Variants in DOCK10 observed in about 807,000 individuals in gnomAD.
The protein encoded by DOCK10 is dedicator of cytokinesis protein 10.
In DOCK10, 145 loss-of-function variants were observed where a neutral mutation model predicts 280.1. The observed-to-expected ratio is 0.52, with a 90% CI of 0.45 to 0.59. The LOEUF (loss-of-function observed/expected upper bound fraction) is 0.59. Among genes scored for constraint, DOCK10 ranks in the 20% least tolerant of loss-of-function variants. The probability of loss-of-function intolerance (pLI) is 0.00; values close to 1 mark genes in which losing one functional copy is unlikely to be tolerated. For synonymous variants in DOCK10, 915 were observed against 942.2 expected, an observed-to-expected ratio of 0.97 and a Z score of 0.53; for missense variants, 2,368 against 2,651.7, an observed-to-expected ratio of 0.89 and a Z score of 2.35.
chr2:224,804,017 T>C, intron 39 of DOCK10, 95 bp downstream of exon 39: 1 of 646,144 alleles, frequency 1.5e-6, no homozygotes, highest in East Asian at 2.9e-5. Flanking sequence ...TGTGTGTGTG[T>C]GTGTGTGTGT....
At chr2:224,925,188 A>G (rs1347835376) in intron 2 of DOCK10, among the ~76,000 whole-genome samples, 3 of 151,986 alleles carry the variant, frequency 2.0e-5, no homozygotes, top group African/African-American at 7.2e-5. Context: ...CTCAGAAAAA[A>G]AAAAAGAAAG....
chr2:225,014,081 A>ATATATATATATATATTTTTTTT (rs776104946), intron 1 of DOCK10, among the ~76,000 whole-genome samples: 3 of 96,800 alleles, frequency 3.1e-5, no homozygotes, highest in African/African-American at 1.4e-4. Context: ...GTCTGAATAT[A>ATATATATATATATATTTTTTTT]TTGTTTTTTT....
rs1689575815 is a variant in DOCK10 at position 225,015,846 on chromosome 2, A to G, written c.123+26406T>C. The stretch of plus-strand genomic sequence containing the variant: ...TTTCTAATTTCTTTTTAAAGATTGT[A>G]TTTACCTTTACATTTGGTAAGGGTA... On this transcript the variant is annotated intron_variant, in intron 1 of 55. Transcript: ENST00000258390. Among the ~76,000 whole-genome samples, 2 of 152,168 alleles carry G rather than the reference A, an allele frequency of 1.3e-5. 1 individual carries two copies. The highest frequency in any genetic ancestry group is 4.1e-4 in the South Asian group (2 of 4,830).
chr2:224,996,175 T>C (rs1448198116), intron 1 of DOCK10, among the ~76,000 whole-genome samples: 2 of 152,226 alleles, frequency 1.3e-5, no homozygotes, highest in Non-Finnish European at 1.5e-5. Flanking sequence ...ACCCTATATC[T>C]GCTGTTTCTA....
chr2:224,948,595 G>A (rs1703558020), intron 1 of DOCK10, among the ~76,000 whole-genome samples: 1 of 152,008 alleles, frequency 6.6e-6, no homozygotes, highest in Admixed American at 6.6e-5. Context: ...GATTTCCTGG[G>A]GTTAGATTAT....
At chr2:224,962,104 G>A (rs562338415) in intron 1 of DOCK10, among the ~76,000 whole-genome samples, 1 of 152,076 alleles carries the variant, frequency 6.6e-6, no homozygotes, top group Non-Finnish European at 1.5e-5. Flanking sequence ...TCCCAATTTT[G>A]GTCTGTTCCT....
chr2:224,786,135 G>A lies in DOCK10; in HGVS notation c.5655+887C>T, dbSNP rs973975097. ...TGCTTGAACCGGGACCCAGGAGGCG[G>A]AGGTTGCAGTGAGCCGAGATCACGC... is the stretch of plus-strand genomic sequence containing the variant. On this transcript the variant is annotated intron_variant, in intron 50 of 55. Coordinates refer to ENST00000258390, the MANE Select transcript of DOCK10 (RefSeq NM_014689.3). The surrounding 1 kb of genome is among the most constrained non-coding windows in gnomAD (Gnocchi z 4.7). Among the ~76,000 whole-genome samples, 1 of 152,180 alleles carries A rather than the reference G, an allele frequency of 6.6e-6. No homozygotes were observed. Among genetic ancestry groups the A allele is most frequent in the Non-Finnish European group, 1.5e-5 (1 of 68,036 alleles).
intron 8 of DOCK10, among the ~76,000 whole-genome samples, chr2:224,875,344 T>C (rs1465734724): frequency 1.3e-5 from 2 of 152,220 alleles, no homozygotes; most frequent in African/African-American, 2.4e-5. Flanking sequence ...TGGTTTCTAA[T>C]GTACCATGTG....
At chr2:224,875,070 T>C (rs934784005) in intron 8 of DOCK10, among the ~76,000 whole-genome samples, 5 of 152,236 alleles carry the variant, frequency 3.3e-5, no homozygotes, top group East Asian at 1.9e-4. Context: ...TTCTTAAATA[T>C]GTATGTATTT....
At chr2:224,877,175 A>G (rs1698679802) in intron 7 of DOCK10, among the ~76,000 whole-genome samples, 1 of 152,222 alleles carries the variant, frequency 6.6e-6, no homozygotes, top group African/African-American at 2.4e-5. Context: ...TCAGATCTCA[A>G]TTGAAACTTT....
chr2:224,887,428 G>T (rs896894806), intron 4 of DOCK10, among the ~76,000 whole-genome samples: 2 of 152,132 alleles, frequency 1.3e-5, no homozygotes, highest in African/African-American at 4.8e-5. Context: ...GCCTATTCAA[G>T]TTGCAACATC....
intron 23 of DOCK10, among the ~76,000 whole-genome samples, chr2:224,840,986 T>G (rs539051153): frequency 2.5e-4 from 38 of 152,320 alleles, no homozygotes; most frequent in African/African-American, 8.9e-4. Flanking sequence ...GAGTATATTA[T>G]GCTAAGTGAA....
chr2:224,934,922 C>T lies in DOCK10; in HGVS notation c.124-3254G>A, dbSNP rs568371753. ...AAGTCACTCTGCATGGGAAAAGGCA[C>T]CCACCAGTACCTGTTATTATGCATT... is the stretch of plus-strand genomic sequence containing the variant. On this transcript the variant is annotated intron_variant, in intron 1 of 55. Transcript: ENST00000258390. Among the ~76,000 whole-genome samples the T allele has an allele frequency of 7.9e-5, 12 of 152,290 alleles. No homozygotes were observed. In the East Asian group the frequency reaches 2.3e-3, roughly 29 times the overall value.
At chr2:224,986,610 GCTCT>G (rs34881146) in intron 1 of DOCK10, among the ~76,000 whole-genome samples, 57 of 149,596 alleles carry the variant, frequency 3.8e-4, no homozygotes, top group African/African-American at 1.2e-3. Flanking sequence ...ATAAACACCA[GCTCT>G]CTCTCTCTCT....
chr2:224,877,668 G>T (rs1698724854), intron 7 of DOCK10, among the ~76,000 whole-genome samples: 1 of 152,206 alleles, frequency 6.6e-6, no homozygotes, highest in African/African-American at 2.4e-5. Flanking sequence ...CCCCAAAGAA[G>T]ATCTCTGATT....
At position 224,856,976 on chromosome 2, in the gene DOCK10, T is replaced by C. The variant is rs1275069721; in HGVS notation, c.1692A>G (p.Val564=). The change falls in exon 15 of 56, where the codon GTA becomes GTG. Residue 564 remains valine (V), a synonymous_variant. Coordinates refer to ENST00000258390, the MANE Select transcript of DOCK10 (RefSeq NM_014689.3). The stretch of plus-strand genomic sequence containing the variant: ...CCACATTTCCCTGGTTGTCCTTAAA[T>C]ACTGATCTAAAAGAAAATATTTATT... ...RMPFAWAVRS[V]FKDNQGNVDR... The C allele has an allele frequency of 1.2e-6, 2 of 1,606,208 alleles. No homozygotes were observed. Among genetic ancestry groups the C allele is most frequent in the African/African-American group, 1.3e-5 (1 of 74,880 alleles).
chr2:224,905,288 C>T (rs60069270), intron 3 of DOCK10, among the ~76,000 whole-genome samples: 1 of 115,424 alleles, frequency 8.7e-6, no homozygotes, highest in Admixed American at 7.6e-5. Context: ...TCGCCCAGGC[C>T]GGACTGCGGA....
chr2:224,801,957 G>A lies in DOCK10; in HGVS notation c.4352C>T (p.Ser1451Phe). 6.2e-7 allele frequency: 1 copy of A among 1,613,132 alleles called. No individual in the cohort carries two copies. Among genetic ancestry groups the A allele is most frequent in the Non-Finnish European group, 8.5e-7 (1 of 1,179,294 alleles). Residue 1451 changes from serine to phenylalanine, a missense_variant, in exon 40 of 56, where the codon TCT becomes TTT. Transcript: ENST00000258390. ...LPIIRGKNAL[S>F]NPKLLQMLDN... ...TAACATCTGTAAGAGTTTGGGGTTA[G>A]AAAGTGCATTTTTGCCTCGAATTAT...
At chr2:224,841,947 T>G in intron 22 of DOCK10, 51 bp from the exon 23 acceptor site, 1 of 1,335,746 alleles carries the variant, frequency 7.5e-7, no homozygotes, top group South Asian at 1.2e-5. Context: ...TAAACCGTGT[T>G]ACAAACACAA....
Sources: allele counts gnomAD v4.1 joint callset (sites outside exome capture counted in the v4.1 genomes callset), GRCh38; gene constraint gnomAD v4.1.1; non-coding constraint Gnocchi (gnomAD v3.1); transcripts MANE v1.5; gene names NCBI Gene and HGNC (gene_info 2026-07-23, HGNC 2026-07-21).